The following MVP variants were observed in gnomAD, a reference collection of about 807,000 sequenced individuals.
MVP encodes major vault protein.
MVP carries 62 observed loss-of-function variants against 83.5 expected under a neutral mutation model. The ratio of observed to expected loss-of-function variants is 0.74; its 90% CI spans 0.61 to 0.92. MVP has a LOEUF of 0.92. Among genes scored for constraint, MVP ranks in the 40% least tolerant of loss-of-function variants. The pLI is 0.00. For synonymous variants in MVP, 505 were observed against 504.1 expected (o/e 1.00, Z -0.02); for missense variants, 1,000 against 1,203.4 (o/e 0.83, Z 2.50).
intron 1 of MVP, among the ~76,000 whole-genome samples, chr16:29,824,238 A>C (rs995297536): frequency 3.3e-5 from 5 of 150,974 alleles, no homozygotes; most frequent in South Asian, 2.1e-4. Context: ...AAAAAAAAAA[A>C]AAACAGATTT....
At chr16:29,830,778 C>G (rs2067435395) in intron 2 of MVP, 100 bp from the exon 3 acceptor site, 2 of 1,571,294 alleles carry the variant, frequency 1.3e-6, no homozygotes, top group Non-Finnish European at 1.7e-6. Flanking sequence ...CAGGAGTGGC[C>G]CTCGCTTGGG....
intron 1 of MVP, among the ~76,000 whole-genome samples, chr16:29,827,492 C>T (rs953326754): frequency 1.3e-5 from 2 of 152,154 alleles, no homozygotes; most frequent in African/African-American, 4.8e-5. Flanking sequence ...GGCATTCCAC[C>T]AGGGTTCTAG....
chr16:29,826,892 A>G (rs1375809435), intron 1 of MVP, among the ~76,000 whole-genome samples: 1 of 148,092 alleles, frequency 6.8e-6, no homozygotes, highest in African/African-American at 2.5e-5. Context: ...GCGCCACTGC[A>G]CTCCAGCCTG....
In MVP at chr16:29,844,768, G is replaced by A. The variant is rs780880129; in HGVS notation, c.1910G>A (p.Ser637Asn). The stretch of plus-strand genomic sequence containing the variant: ...CCCCAAAACGGGCTGGTGGTCAGCA[G>A]TGTGGACGTGCAGTCAGTGGAGCCT... ...VFPQNGLVVS[S>N]VDVQSVEPVD... Residue 637 changes from serine to asparagine, a missense_variant, in exon 11 of 15, where the codon AGT (serine) becomes AAT (asparagine). Physicochemically the swap from Ser to Asn is conservative, Grantham distance 46. Transcript: ENST00000357402. 7.4e-6 allele frequency: 12 copies of A among 1,611,502 alleles called. No homozygotes were observed. The South Asian group carries it at 8.8e-5, about 12-fold the overall frequency.
intron 1 of MVP, among the ~76,000 whole-genome samples, chr16:29,828,499 C>G (rs974188179): frequency 6.6e-6 from 1 of 152,150 alleles, no homozygotes; most frequent in African/African-American, 2.4e-5. Flanking sequence ...CCTGTCTCAG[C>G]CCCCCTAGTA....
rs143008418 is a variant in MVP at position 29,847,898 on chromosome 16, G to A, written c.2591G>A (p.Ser864Asn). The A allele has an allele frequency of 2.5e-5, 41 of 1,613,912 alleles. No homozygotes were observed. The highest frequency in any genetic ancestry group is 3.4e-5 in the Non-Finnish European group (40 of 1,179,904). ...EGQPLGRRVASGPSPGEGISP... is the reference protein window; with the variant it reads ...EGQPLGRRVANGPSPGEGISP... Reference sequence around the variant, plus strand: ...CAGCCCCTGGGCAGAAGGGTGGCCAGTGGGCCCAGCCCTGGGGAGGGGATA... The same window carrying A: ...CAGCCCCTGGGCAGAAGGGTGGCCAATGGGCCCAGCCCTGGGGAGGGGATA... The change falls in exon 15 of 15, where the codon AGT becomes AAT. Residue 864 changes from serine (S) to asparagine (N), a missense_variant. By Grantham distance (46) the Ser-to-Asn change is conservative. Coordinates refer to ENST00000357402, the MANE Select transcript of MVP (RefSeq NM_005115.5).
chr16:29,847,161 C>A (rs1290386616), intron 13 of MVP, 36 bp from the exon 14 acceptor site: 1 of 1,602,734 alleles, frequency 6.2e-7, no homozygotes, highest in East Asian at 2.2e-5. Flanking sequence ...CAGCCTGGGT[C>A]AAAAAATAAA....
intron 13 of MVP, 21 bp from the exon 14 acceptor site, chr16:29,847,176 G>A (rs1189836503): frequency 6.2e-7 from 1 of 1,609,700 alleles, no homozygotes; most frequent in Non-Finnish European, 8.5e-7. Context: ...AATAAAGAAT[G>A]ATTGATTTTT....
At chr16:29,833,117 C>T (rs1234046935) in intron 3 of MVP, among the ~76,000 whole-genome samples, 1 of 151,944 alleles carries the variant, frequency 6.6e-6, no homozygotes, top group Non-Finnish European at 1.5e-5. Flanking sequence ...TAATCCCAGC[C>T]ACTCAGGAGG....
At chr16:29,847,559 T>C (rs61092680) in intron 14 of MVP, among the ~76,000 whole-genome samples, 174 bp downstream of exon 14, 1,737 of 152,190 alleles carry the variant, frequency 0.011, 40 homozygotes, top group African/African-American at 0.04. Context: ...TCAGGCACTG[T>C]ACTAGACCCA....
intron 10 of MVP, among the ~76,000 whole-genome samples, chr16:29,842,497 G>T (rs567557581): frequency 7.2e-5 from 11 of 152,130 alleles, no homozygotes; most frequent in African/African-American, 2.2e-4. Context: ...TAGAGATGGG[G>T]TTTCTCCATG....
chr16:29,825,421 A>G (rs2067398238), intron 1 of MVP, among the ~76,000 whole-genome samples: 1 of 152,248 alleles, frequency 6.6e-6, no homozygotes. Context: ...GTCATCTGGA[A>G]GGAAACCACA....
rs1183954984 is a variant in MVP at position 29,843,500 on chromosome 16, C to CGGAGGAAGGGAGGAAG, written c.1635-955_1635-940dup. The stretch of plus-strand genomic sequence containing the variant: ...ACAGAGACCCACAGAGACCCTGTCT[C>CGGAGGAAGGGAGGAAG]GGAGGAAGGGAGGAAGGGAGGAAGG... On this transcript the variant is annotated intron_variant, in intron 10 of 14. Transcript: ENST00000357402. 3.0e-3 allele frequency among the ~76,000 whole-genome samples: 141 copies of CGGAGGAAGGGAGGAAG among 47,386 alleles called. 12 individuals are homozygous for CGGAGGAAGGGAGGAAG. Among genetic ancestry groups the CGGAGGAAGGGAGGAAG allele is most frequent in the East Asian group, 4.6e-3 (7 of 1,522 alleles). 31.1% of individuals were successfully genotyped at this position (47,386 alleles called of 152,430 possible).
Position 29,833,787 on chromosome 16 carries a change from C to T in MVP, c.376C>T (p.Leu126=). 1.2e-6 allele frequency: 2 copies of T among 1,614,100 alleles called. No homozygotes were observed. The highest frequency in any genetic ancestry group is 1.1e-5 in the South Asian group (1 of 91,084). ...LPNTALHLKA[L]LDFEDKDGDK... is the part of the protein sequence containing the mutation. The stretch of plus-strand genomic sequence containing the variant: ...CAACACTGCCCTCCATCTAAAGGCG[C>T]TGCTTGATTTTGAGGATAAAGATGG... Residue 126 remains leucine, a synonymous_variant, in exon 4 of 15, where the codon CTG becomes TTG. Coordinates refer to ENST00000357402, the MANE Select transcript of MVP (RefSeq NM_005115.5).
intron 7 of MVP, among the ~76,000 whole-genome samples, chr16:29,837,662 G>A (rs1250148792): frequency 5.3e-5 from 8 of 151,916 alleles, no homozygotes; most frequent in African/African-American, 1.7e-4. Context: ...GCTGAGGCAC[G>A]AGAATCACTT....
At position 29,830,684 on chromosome 16, in the gene MVP, G is replaced by A. The variant is rs1487866591; in HGVS notation, c.125+10G>A. On this transcript the variant is annotated intron_variant, in intron 2 of 14. Transcript: ENST00000357402. ...GGCAGGACAATGAGAGGTGGGTGTGGGGGCTGGGCTGTGGGGGATCCTTGG... is the reference window on the plus strand; with the variant it reads ...GGCAGGACAATGAGAGGTGGGTGTGAGGGCTGGGCTGTGGGGGATCCTTGG... The A allele has an allele frequency of 6.2e-7, 1 of 1,613,664 alleles. No homozygotes were observed. The highest frequency in any genetic ancestry group is 8.5e-7 in the Non-Finnish European group (1 of 1,179,806).
chr16:29,824,242 C>G (rs1465484806), intron 1 of MVP, among the ~76,000 whole-genome samples: 1 of 73,202 alleles, frequency 1.4e-5, no homozygotes, highest in Non-Finnish European at 2.9e-5. Context: ...AAAAAAAAAA[C>G]AGATTTCCAG....
chr16:29,839,909 A>AT (rs1306277341), intron 7 of MVP, among the ~76,000 whole-genome samples: 2 of 151,464 alleles, frequency 1.3e-5, no homozygotes, highest in Non-Finnish European at 2.9e-5. Flanking sequence ...AAACAGGTTG[A>AT]TTTTTAATGG....
chr16:29,840,887 CGA>C (rs202092427), intron 8 of MVP, among the ~76,000 whole-genome samples: 1,533 of 151,182 alleles, frequency 0.01, 25 homozygotes, highest in African/African-American at 0.035. Flanking sequence ...TGCAGTGAGC[CGA>C]GATCACACCA....
Sources: allele counts gnomAD v4.1 joint callset (sites outside exome capture counted in the v4.1 genomes callset), GRCh38; gene constraint gnomAD v4.1.1; transcripts MANE v1.5; gene names NCBI Gene and HGNC (gene_info 2026-07-23, HGNC 2026-07-21).